SLC39A11: variants seen among roughly 807,000 people sequenced by gnomAD.
The protein encoded by SLC39A11 is solute carrier family 39 member 11.
A neutral mutation model predicts 36.1 loss-of-function variants in SLC39A11; 33 were observed. The observed-to-expected ratio is 0.91, with a 90% CI of 0.69 to 1.22. SLC39A11 has a LOEUF of 1.22. Among genes scored for constraint, SLC39A11 ranks in the 50% most tolerant of loss-of-function variants. The pLI, the probability that SLC39A11 is intolerant of heterozygous loss-of-function variation, is 0.00. For synonymous variants in SLC39A11, 166 were observed against 170.3 expected, an observed-to-expected ratio of 0.97 and a Z score of 0.20; for missense variants, 432 against 430.3, an observed-to-expected ratio of 1.00 and a Z score of -0.03.
intron 5 of SLC39A11, among the ~76,000 whole-genome samples, chr17:72,945,103 G>C (rs943374678): frequency 1.3e-5 from 2 of 152,184 alleles, no homozygotes; most frequent in Non-Finnish European, 2.9e-5. Context: ...GAGACTGATA[G>C]ATTTAAAGGA....
intron 5 of SLC39A11, among the ~76,000 whole-genome samples, chr17:72,905,269 TTC>T (rs2082599785): frequency 6.8e-6 from 1 of 147,726 alleles, no homozygotes; most frequent in Non-Finnish European, 1.5e-5. Context: ...GCTGGATGGA[TTC>T]TGTTTCTGTT....
At chr17:72,939,725 CGA>C (rs2147582967) in intron 5 of SLC39A11, among the ~76,000 whole-genome samples, 1 of 152,260 alleles carries the variant, frequency 6.6e-6, no homozygotes, top group African/African-American at 2.4e-5. Flanking sequence ...CTAGAATTTT[CGA>C]GAGAGTGTGG....
intron 6 of SLC39A11, among the ~76,000 whole-genome samples, chr17:72,847,668 A>G: frequency 6.6e-6 from 1 of 152,278 alleles, no homozygotes; most frequent in East Asian, 1.9e-4. Context: ...ACTAGAATAT[A>G]TAATATGTAT....
chr17:72,702,754 C>G (rs1294263010), intron 7 of SLC39A11, among the ~76,000 whole-genome samples: 1 of 151,360 alleles, frequency 6.6e-6, no homozygotes, highest in Non-Finnish European at 1.5e-5. Context: ...TTGGCCAACA[C>G]GGTGAAACTC....
In SLC39A11 at chr17:72,909,891, G is replaced by A. The variant is rs966142490; in HGVS notation, c.430+37861C>T. Among the ~76,000 whole-genome samples the A allele has an allele frequency of 7.3e-5, 11 of 150,828 alleles. No individual in the cohort carries two copies. In the South Asian group the frequency reaches 8.4e-4, roughly 11 times the overall value. Reference sequence around the variant, plus strand: ...CTCCCGAGTAGCTGGGACTCCAGGCGCCCGCCATTACGCCCGGCTACTTTT... The same window carrying A: ...CTCCCGAGTAGCTGGGACTCCAGGCACCCGCCATTACGCCCGGCTACTTTT... On this transcript the variant is annotated intron_variant, in intron 5 of 9. Transcript: ENST00000255559.
chr17:72,978,818 A>G (rs2088069360), intron 4 of SLC39A11, among the ~76,000 whole-genome samples: 1 of 152,152 alleles, frequency 6.6e-6, no homozygotes, highest in African/African-American at 2.4e-5. Context: ...GGAAACAACA[A>G]ATCATCTCTG....
intron 7 of SLC39A11, among the ~76,000 whole-genome samples, chr17:72,687,790 CTGGA>C (rs1209824124): frequency 1.3e-5 from 2 of 152,218 alleles, no homozygotes; most frequent in African/African-American, 4.8e-5. Flanking sequence ...CAAGACCCGG[CTGGA>C]TGCTCTATAG....
chr17:72,737,208 G>A (rs2074467637), intron 6 of SLC39A11, among the ~76,000 whole-genome samples: 2 of 152,036 alleles, frequency 1.3e-5, no homozygotes, highest in Admixed American at 1.3e-4. Flanking sequence ...CACAGGAGGC[G>A]GAGGCTGCAG....
Position 72,921,371 on chromosome 17 carries a change from T to C in SLC39A11, c.430+26381A>G, listed in dbSNP as rs1022424528. ...GGGCAAGGAAAGTGAATGGGACTAG[T>C]AGGGTGAACACTTGTCACAGAAAGA... On this transcript the variant is annotated intron_variant, in intron 5 of 9. Transcript: ENST00000255559. 5.3e-5 allele frequency among the ~76,000 whole-genome samples: 8 copies of C among 152,170 alleles called. No homozygotes were observed. The East Asian group carries it at 7.7e-4, about 15-fold the overall frequency.
intron 7 of SLC39A11, among the ~76,000 whole-genome samples, chr17:72,730,812 A>G (rs1163847531): frequency 2.0e-5 from 3 of 152,318 alleles, no homozygotes; most frequent in South Asian, 2.1e-4. Flanking sequence ...GATGCACACC[A>G]TGATGCCTAG....
At chr17:72,688,195 T>C (rs2071845934) in intron 7 of SLC39A11, among the ~76,000 whole-genome samples, 1 of 152,166 alleles carries the variant, frequency 6.6e-6, no homozygotes, top group Non-Finnish European at 1.5e-5. Flanking sequence ...GAGGAAGCTG[T>C]ACTTTGCAGG....
chr17:72,677,520 A>C (rs146904394), intron 7 of SLC39A11, among the ~76,000 whole-genome samples: 68 of 152,358 alleles, frequency 4.5e-4, no homozygotes, highest in African/African-American at 1.4e-3. Flanking sequence ...TGAACTGAGC[A>C]AATTTAAAGC....
At chr17:72,955,223 C>T (rs549369330) in intron 4 of SLC39A11, among the ~76,000 whole-genome samples, 4 of 150,380 alleles carry the variant, frequency 2.7e-5, no homozygotes, top group African/African-American at 9.7e-5. Flanking sequence ...TAGATGTACT[C>T]AACCTAGTAT....
At chr17:72,842,102 GCA>G (rs1555592107) in intron 6 of SLC39A11, among the ~76,000 whole-genome samples, 4 of 151,168 alleles carry the variant, frequency 2.6e-5, no homozygotes, top group Non-Finnish European at 5.9e-5. Flanking sequence ...GTGTGTGTGT[GCA>G]CGCACGCGCA....
intron 5 of SLC39A11, among the ~76,000 whole-genome samples, chr17:72,867,685 G>C (rs557738399): frequency 6.6e-5 from 10 of 152,104 alleles, no homozygotes; most frequent in Admixed American, 2.0e-4. Flanking sequence ...TATAAATCTT[G>C]AGCCAGGCCA....
At chr17:72,789,040 C>CTT (rs34275454) in intron 6 of SLC39A11, among the ~76,000 whole-genome samples, 106 of 144,086 alleles carry the variant, frequency 7.4e-4, no homozygotes, top group African/African-American at 2.5e-3. Context: ...AGGACAAAGG[C>CTT]TTTTTTTTTT....
At chr17:72,969,820 A>G (rs561414652) in intron 4 of SLC39A11, among the ~76,000 whole-genome samples, 2 of 152,228 alleles carry the variant, frequency 1.3e-5, no homozygotes, top group Non-Finnish European at 2.9e-5. Context: ...TTTAAAAAAA[A>G]TTATGACACA....
intron 4 of SLC39A11, among the ~76,000 whole-genome samples, chr17:72,996,126 T>C (rs2089489252): frequency 6.6e-6 from 1 of 152,048 alleles, no homozygotes; most frequent in African/African-American, 2.4e-5. Flanking sequence ...GTCACTCCCT[T>C]GCCCCAAATC....
At chr17:72,936,718 T>C (rs1462264504) in intron 5 of SLC39A11, among the ~76,000 whole-genome samples, 1 of 152,038 alleles carries the variant, frequency 6.6e-6, no homozygotes, top group Non-Finnish European at 1.5e-5. Flanking sequence ...ACTGGTTTTA[T>C]GGAAGATAAT....
Sources: gnomAD v4.1 joint callset for allele counts (sites outside exome capture counted in the v4.1 genomes callset) on GRCh38, gnomAD v4.1.1 for gene constraint, MANE v1.5 for transcripts, NCBI Gene and HGNC (gene_info 2026-07-23, HGNC 2026-07-21) for gene names.